Variants in RBM6 observed in about 807,000 individuals in gnomAD.
RBM6 encodes the protein RNA binding motif protein 6.
RBM6 carries 23 observed loss-of-function variants against 140.4 expected under a neutral mutation model. That is an observed-to-expected ratio of 0.16 (90% confidence interval 0.12 to 0.23). RBM6 has a LOEUF of 0.23. Ranked by LOEUF, RBM6 falls within the 10% of genes least tolerant of loss-of-function variation. The pLI is 1.00. For missense variants in RBM6, 1,139 were observed against 1,386.7 expected, an observed-to-expected ratio of 0.82 and a Z score of 2.84; for synonymous variants, 439 against 475.6, an observed-to-expected ratio of 0.92 and a Z score of 1.00.
intron 6 of RBM6, among the ~76,000 whole-genome samples, chr3:50,002,450 T>A (rs1332711138): frequency 6.6e-6 from 1 of 151,992 alleles, no homozygotes; most frequent in African/African-American, 2.4e-5. Context: ...TTAGTAGAGA[T>A]GGGGTTTCAC....
intron 15 of RBM6, among the ~76,000 whole-genome samples, chr3:50,063,383 G>A (rs2090010812): frequency 6.6e-6 from 1 of 152,012 alleles, no homozygotes; most frequent in African/African-American, 2.4e-5. Flanking sequence ...AAGACAGGTG[G>A]ATGCCTGAGT....
At chr3:49,961,023 C>T (rs769863474) in intron 1 of RBM6, among the ~76,000 whole-genome samples, 22 of 150,472 alleles carry the variant, frequency 1.5e-4, no homozygotes, top group Non-Finnish European at 2.8e-4. Context: ...GATCCTCCCC[C>T]ACTTCAGCCT....
At chr3:50,032,300 G>A (rs889426111) in intron 6 of RBM6, among the ~76,000 whole-genome samples, 1 of 151,808 alleles carries the variant, frequency 6.6e-6, no homozygotes, top group East Asian at 1.9e-4. Context: ...GGCCAACATG[G>A]TGAAACCCCA....
intron 11 of RBM6, 128 bp downstream of exon 11, chr3:50,059,874 T>C: frequency 1.6e-6 from 1 of 642,990 alleles, no homozygotes; most frequent in East Asian, 2.9e-5. Flanking sequence ...AGATAGGTGT[T>C]TATTACAGTT....
intron 6 of RBM6, among the ~76,000 whole-genome samples, chr3:50,013,571 A>T (rs1394583279): frequency 6.6e-6 from 1 of 152,062 alleles, no homozygotes; most frequent in Non-Finnish European, 1.5e-5. Flanking sequence ...GGGAGGCTGG[A>T]GCAGGATAAT....
intron 1 of RBM6, among the ~76,000 whole-genome samples, chr3:49,948,751 G>A (rs1314541437): frequency 1.3e-5 from 2 of 149,984 alleles, no homozygotes; most frequent in African/African-American, 4.9e-5. Flanking sequence ...GAACCCAGGA[G>A]GTAGAGGTTG....
chr3:49,978,873 T>C (rs528585517), intron 5 of RBM6, among the ~76,000 whole-genome samples: 2 of 152,204 alleles, frequency 1.3e-5, no homozygotes, highest in Non-Finnish European at 1.5e-5. Flanking sequence ...AAATACATTA[T>C]AACCCCATGA....
intron 1 of RBM6, among the ~76,000 whole-genome samples, chr3:49,958,830 T>G (rs1258272625): frequency 7.3e-6 from 1 of 137,674 alleles, no homozygotes; most frequent in East Asian, 2.1e-4. Context: ...TCTGTTGCCC[T>G]GGCTGGAGTG....
At chr3:50,035,436 A>C (rs1054628939) in intron 6 of RBM6, among the ~76,000 whole-genome samples, 1 of 152,066 alleles carries the variant, frequency 6.6e-6, no homozygotes, top group African/African-American at 2.4e-5. Context: ...TAATCTCAGC[A>C]CTTTGGGAGG....
At chr3:49,942,421 G>A (rs1008541403) in intron 1 of RBM6, among the ~76,000 whole-genome samples, 1 of 150,424 alleles carries the variant, frequency 6.6e-6, no homozygotes, top group African/African-American at 2.4e-5. Context: ...CCCGAGAGGC[G>A]GAGCTTGCAG....
Position 50,021,468 on chromosome 3 carries a change from C to T in RBM6, c.1557+21955C>T, listed in dbSNP as rs148517096. On this transcript the variant is annotated intron_variant, in intron 6 of 20. Coordinates refer to ENST00000266022, the MANE Select transcript of RBM6 (RefSeq NM_005777.3). Reference sequence around the variant, plus strand: ...CAGCCTAGCCAACATGTTGAAACCCCGTCTCTACTAAAAATACAAAAATTA... The same window carrying T: ...CAGCCTAGCCAACATGTTGAAACCCTGTCTCTACTAAAAATACAAAAATTA... Among the ~76,000 whole-genome samples, 921 of 152,044 alleles carry T rather than the reference C, an allele frequency of 6.1e-3. 10 individuals are homozygous for T. The highest frequency in any genetic ancestry group is 0.021 in the African/African-American group (868 of 41,444).
At chr3:49,969,012 C>CATTTATTTATTT (rs549393903) in intron 3 of RBM6, among the ~76,000 whole-genome samples, 2 of 147,414 alleles carry the variant, frequency 1.4e-5, no homozygotes, top group Admixed American at 6.8e-5. Context: ...TGAAGGATGA[C>CATTTATTTATTT]ATTTATTTAT....
intron 19 of RBM6, among the ~76,000 whole-genome samples, chr3:50,071,345 T>C (rs2090291600): frequency 6.6e-6 from 1 of 152,230 alleles, no homozygotes; most frequent in South Asian, 2.1e-4. Context: ...AGGCTTTATC[T>C]TAAAGGCAGT....
At chr3:49,941,936 TACAA>T (rs1390779574) in intron 1 of RBM6, among the ~76,000 whole-genome samples, 2 of 136,112 alleles carry the variant, frequency 1.5e-5, no homozygotes, top group Non-Finnish European at 3.1e-5. Context: ...CTACAAAAAA[TACAA>T]AAAAAAAAAA....
intron 5 of RBM6, among the ~76,000 whole-genome samples, chr3:49,992,958 A>G (rs1438833768): frequency 6.6e-6 from 1 of 152,178 alleles, no homozygotes; most frequent in African/African-American, 2.4e-5. Flanking sequence ...CAGATTGAGT[A>G]TATTTGTTTG....
intron 7 of RBM6, among the ~76,000 whole-genome samples, chr3:50,052,297 C>G (rs1049817259): frequency 6.6e-6 from 1 of 152,082 alleles, no homozygotes; most frequent in Non-Finnish European, 1.5e-5. Flanking sequence ...ACTCCTGGCC[C>G]GAAATGATCC....
At chr3:49,994,463 T>A (rs2085977040) in intron 5 of RBM6, among the ~76,000 whole-genome samples, 1 of 152,188 alleles carries the variant, frequency 6.6e-6, no homozygotes, top group Admixed American at 6.6e-5. Context: ...GATACCTGGA[T>A]CAATTCTGTT....
At chr3:50,011,690 C>CT (rs889848626) in intron 6 of RBM6, among the ~76,000 whole-genome samples, 2 of 151,910 alleles carry the variant, frequency 1.3e-5, no homozygotes, top group African/African-American at 4.8e-5. Flanking sequence ...TGTAGGTTTT[C>CT]TTTTTTTAAG....
intron 15 of RBM6, among the ~76,000 whole-genome samples, 171 bp downstream of exon 15, chr3:50,062,279 CG>C (rs2089970487): frequency 6.6e-6 from 1 of 151,986 alleles, no homozygotes; most frequent in South Asian, 2.1e-4. Context: ...CCAAGGCGGG[CG>C]GATCATGAGG....
Sources: allele counts gnomAD v4.1 joint callset (sites outside exome capture counted in the v4.1 genomes callset), GRCh38; gene constraint gnomAD v4.1.1; transcripts MANE v1.5; gene names NCBI Gene and HGNC (gene_info 2026-07-23, HGNC 2026-07-21).